SCTR: variants seen among roughly 807,000 people sequenced by gnomAD.
The protein encoded by SCTR is secretin receptor.
In SCTR, 56 loss-of-function variants were observed where a neutral mutation model predicts 60.8. The ratio of observed to expected loss-of-function variants is 0.92; its 90% CI spans 0.74 to 1.15. The LOEUF (loss-of-function observed/expected upper bound fraction) is 1.15. Ranked by LOEUF, SCTR falls within the 50% of genes most tolerant of loss-of-function variation. SCTR has a pLI of 0.00. For synonymous variants in SCTR, 202 were observed against 217.0 expected (o/e 0.93, Z 0.61); for missense variants, 562 against 550.4 (o/e 1.02, Z -0.21).
At chr2:119,494,370 G>A in intron 2 of SCTR, 58 bp downstream of exon 2, 1 of 1,581,634 alleles carries the variant, frequency 6.3e-7, no homozygotes, top group Non-Finnish European at 8.6e-7. Context: ...CCCCTGCCCA[G>A]CAGGACCGGA....
intron 11 of SCTR, among the ~76,000 whole-genome samples, chr2:119,442,607 C>T (rs978318526): frequency 3.3e-5 from 5 of 152,164 alleles, no homozygotes; most frequent in South Asian, 2.1e-4. Flanking sequence ...GAGTTAGTGG[C>T]GAAGCTGGAA....
intron 4 of SCTR, among the ~76,000 whole-genome samples, chr2:119,466,611 G>A (rs571287633): frequency 1.6e-3 from 244 of 152,172 alleles, no homozygotes; most frequent in Non-Finnish European, 2.6e-3. Context: ...AATTAGCCAG[G>A]CACAATGGTG....
chr2:119,443,346 A>G (rs1682725772), intron 11 of SCTR, among the ~76,000 whole-genome samples: 1 of 152,228 alleles, frequency 6.6e-6, no homozygotes, highest in South Asian at 2.1e-4. Flanking sequence ...AACCATACAC[A>G]TCATGATCCC....
chr2:119,449,705 A>G (rs1683072062), intron 9 of SCTR, among the ~76,000 whole-genome samples: 1 of 152,096 alleles, frequency 6.6e-6, no homozygotes, highest in Non-Finnish European at 1.5e-5. Context: ...TCACACCCGC[A>G]TTGTTCACAC....
At chr2:119,479,026 T>C in intron 2 of SCTR, 108 bp from the exon 3 acceptor site, 1 of 1,529,220 alleles carries the variant, frequency 6.5e-7, no homozygotes, top group Non-Finnish European at 8.8e-7. Context: ...CCCACTAGAC[T>C]ACTTTCAAAG....
chr2:119,447,034 TTTGAAAGTTTCTAACTCCCTCATATCCA>T, intron 10 of SCTR, 149 bp from the exon 11 acceptor site: 1 of 761,546 alleles, frequency 1.3e-6, no homozygotes, highest in Non-Finnish European at 1.8e-6. Context: ...CATTTTTTAT[TTTGAAAGTTTCTAACTCCCTCATATCCA>T]TCACTCAGAT....
chr2:119,484,499 G>A (rs892157020), intron 2 of SCTR, among the ~76,000 whole-genome samples: 4 of 152,176 alleles, frequency 2.6e-5, no homozygotes, highest in African/African-American at 9.7e-5. Context: ...AATGGGCTTT[G>A]GACCCAAGCC....
At chr2:119,483,558 C>T (rs1677730106) in intron 2 of SCTR, among the ~76,000 whole-genome samples, 1 of 152,172 alleles carries the variant, frequency 6.6e-6, no homozygotes, top group South Asian at 2.1e-4. Flanking sequence ...CAGAACAGAC[C>T]CAGGGTTTCC....
At chr2:119,490,822 G>T (rs1678091240) in intron 2 of SCTR, among the ~76,000 whole-genome samples, 1 of 152,152 alleles carries the variant, frequency 6.6e-6, no homozygotes, top group Non-Finnish European at 1.5e-5. Flanking sequence ...TTGTCTGGGG[G>T]CTTTCTCTAG....
intron 5 of SCTR, 43 bp downstream of exon 5, chr2:119,465,746 C>A (rs780972542): frequency 7.4e-7 from 1 of 1,350,508 alleles, no homozygotes; most frequent in Admixed American, 1.7e-5. Flanking sequence ...AAGTCTGTAC[C>A]TGAGGAGGGC....
chr2:119,488,527 A>G (rs1376209809), intron 2 of SCTR, among the ~76,000 whole-genome samples: 1 of 152,234 alleles, frequency 6.6e-6, no homozygotes, highest in Non-Finnish European at 1.5e-5. Context: ...GGGAAGAAAG[A>G]TGACCGATTC....
intron 3 of SCTR, among the ~76,000 whole-genome samples, chr2:119,476,151 TG>T (rs1677289689): frequency 6.6e-6 from 1 of 152,136 alleles, no homozygotes; most frequent in Admixed American, 6.5e-5. Flanking sequence ...GGGTTAGGGT[TG>T]GGGGCACCAC....
chr2:119,511,268 G>A (rs1678921917), intron 1 of SCTR, among the ~76,000 whole-genome samples: 3 of 152,004 alleles, frequency 2.0e-5, no homozygotes, highest in Admixed American at 2.0e-4. Flanking sequence ...TTAAATTTGA[G>A]ACAGTCAAAC....
chr2:119,505,753 GC>G (rs1678720395), intron 1 of SCTR, among the ~76,000 whole-genome samples: 1 of 150,948 alleles, frequency 6.6e-6, no homozygotes, highest in Non-Finnish European at 1.5e-5. Context: ...TATACCTAAT[GC>G]TAAATGAAGA....
rs766296859 is a variant in SCTR at position 119,443,671 on chromosome 2, C to T, written c.1141-2072G>A. ...AAGCAATTCTCTTGCCTCAGCCTCC[C>T]GAGTAACTGGGACTACAGGCACACA... On this transcript the variant is annotated intron_variant, in intron 11 of 12. Coordinates refer to ENST00000019103, the MANE Select transcript of SCTR (RefSeq NM_002980.3). Among the ~76,000 whole-genome samples, 12 of 152,158 alleles carry T rather than the reference C, an allele frequency of 7.9e-5. No individual in the cohort carries two copies. In the South Asian group the frequency reaches 1.2e-3, roughly 16 times the overall value.
At chr2:119,451,969 T>C in intron 9 of SCTR, 41 bp downstream of exon 9, 1 of 1,301,580 alleles carries the variant, frequency 7.7e-7, no homozygotes, top group Non-Finnish European at 1.1e-6. Context: ...CATTTCCGTC[T>C]CTCCCACTGA....
chr2:119,513,135 C>T (rs916134091), intron 1 of SCTR, among the ~76,000 whole-genome samples: 5 of 152,204 alleles, frequency 3.3e-5, no homozygotes, highest in African/African-American at 9.7e-5. Flanking sequence ...GGGGCCTTTC[C>T]AGGGTGCCAC....
intron 2 of SCTR, chr2:119,479,319 G>C (rs1677490509): frequency 1.0e-6 from 1 of 989,660 alleles, no homozygotes; most frequent in African/African-American, 1.7e-5. Context: ...ACGACTACCT[G>C]GGGAGCTTTA....
intron 4 of SCTR, among the ~76,000 whole-genome samples, chr2:119,468,336 T>C (rs551145082): frequency 2.2e-4 from 34 of 152,346 alleles, no homozygotes; most frequent in Non-Finnish European, 3.5e-4. Flanking sequence ...AGCTCCATGG[T>C]GTCACACAGT....
Sources: allele counts gnomAD v4.1 joint callset (sites outside exome capture counted in the v4.1 genomes callset), GRCh38; gene constraint gnomAD v4.1.1; transcripts MANE v1.5; gene names NCBI Gene and HGNC (gene_info 2026-07-23, HGNC 2026-07-21).